Variants in CLOCK observed in about 807,000 individuals in gnomAD.
CLOCK encodes clock circadian regulator.
In CLOCK, 43 loss-of-function variants were observed where a neutral mutation model predicts 118.4. The observed-to-expected ratio is 0.36, with a 90% CI of 0.28 to 0.47. The LOEUF (loss-of-function observed/expected upper bound fraction) is 0.47. Among genes scored for constraint, CLOCK ranks in the 20% least tolerant of loss-of-function variants. The pLI, the probability that CLOCK is intolerant of heterozygous loss-of-function variation, is 1.00. For synonymous variants in CLOCK, 326 were observed against 339.2 expected (o/e 0.96, Z 0.43); for missense variants, 846 against 999.9 (o/e 0.85, Z 2.08).
chr4:55,492,924 T>C (rs1172256592), intron 2 of CLOCK, among the ~76,000 whole-genome samples: 1 of 152,146 alleles, frequency 6.6e-6, no homozygotes, highest in Non-Finnish European at 1.5e-5. Flanking sequence ...GGCATGAAAA[T>C]ATATCAGACA....
Position 55,480,107 on chromosome 4 carries a change from C to T in CLOCK, c.48-408G>A, listed in dbSNP as rs187518662. Among the ~76,000 whole-genome samples the T allele has an allele frequency of 6.8e-4, 104 of 152,276 alleles. 2 individuals carry two copies. Among genetic ancestry groups the T allele is most frequent in the South Asian group, 2.1e-4 (1 of 4,830 alleles). ...TTTACTTTCTAAAACCACAATTACT[C>T]GTAAACATCACAATGTAATGCATTA... On this transcript the variant is annotated intron_variant, in intron 4 of 22. Transcript: ENST00000513440.
chr4:55,515,306 T>TA (rs1729434831), intron 1 of CLOCK, among the ~76,000 whole-genome samples: 1 of 152,204 alleles, frequency 6.6e-6, no homozygotes, highest in Admixed American at 6.5e-5. Context: ...TCAATTTTAT[T>TA]AATCTCTTCA....
rs59113951 is a variant in CLOCK at position 55,544,715 on chromosome 4, A to G, written c.-290+2067T>C. ...TTTGTTTAATCCAGTTTATGAGTCC[A>G]TAATACACACAAAAATTTGAAAACA... On this transcript the variant is annotated intron_variant, in intron 1 of 22. Coordinates refer to ENST00000513440, the MANE Select transcript of CLOCK (RefSeq NM_004898.4). Among the ~76,000 whole-genome samples, 167 of 152,348 alleles carry G rather than the reference A, an allele frequency of 1.1e-3. 1 individual carries two copies. The East Asian group carries it at 0.024, about 22-fold the overall frequency.
At chr4:55,525,995 TGA>T in intron 1 of CLOCK, among the ~76,000 whole-genome samples, 1 of 152,248 alleles carries the variant, frequency 6.6e-6, no homozygotes, top group East Asian at 1.9e-4. Flanking sequence ...CTCCAAAATA[TGA>T]AACTTTTTGA....
In CLOCK at chr4:55,448,702, T is replaced by G. The variant is rs563422985; in HGVS notation, c.1539+77A>C. 1.7e-5 allele frequency: 22 copies of G among 1,268,792 alleles called. No homozygotes were observed. The African/African-American group carries it at 3.1e-4, about 18-fold the overall frequency. 78.6% of individuals were successfully genotyped at this position (1,268,792 alleles called of 1,614,324 possible). ...ACAGGTGCTTGCCAGCAAGCCTGGA[T>G]TTTTAAAAAAATTACATTAGCTTAA... On this transcript the variant is annotated intron_variant, in intron 18 of 22. Transcript: ENST00000513440.
chr4:55,450,080 A>C lies in CLOCK; in HGVS notation c.1348+11T>G. The C allele has an allele frequency of 1.9e-6, 3 of 1,614,102 alleles. No homozygotes were observed. The highest frequency in any genetic ancestry group is 2.5e-6 in the Non-Finnish European group (3 of 1,179,976). On this transcript the variant is annotated intron_variant, in intron 16 of 22. Transcript: ENST00000513440. ...TTTAAAGGAAGTCTGCTTTGAAGCAAGGGTACTCACAGGAAGGGTCTGAGA... is the reference window on the plus strand; with the variant it reads ...TTTAAAGGAAGTCTGCTTTGAAGCACGGGTACTCACAGGAAGGGTCTGAGA...
At chr4:55,493,077 A>AT (rs898739132) in intron 2 of CLOCK, among the ~76,000 whole-genome samples, 9 of 151,890 alleles carry the variant, frequency 5.9e-5, no homozygotes, top group South Asian at 2.1e-4. Context: ...TAAGTGCTGC[A>AT]TTTTTTTTCT....
At chr4:55,463,925 AATG>A in intron 8 of CLOCK, 120 bp from the exon 9 acceptor site, 2 of 1,017,662 alleles carry the variant, frequency 2.0e-6, no homozygotes, top group Non-Finnish European at 1.4e-6. Context: ...AAAACCAACA[AATG>A]TCAAGTTATA....
chr4:55,471,844 G>A (rs1371512169), intron 7 of CLOCK, among the ~76,000 whole-genome samples: 3 of 152,128 alleles, frequency 2.0e-5, no homozygotes, highest in Admixed American at 2.0e-4. Flanking sequence ...AAGCCAAGGC[G>A]GGAAGATCAC....
intron 20 of CLOCK, among the ~76,000 whole-genome samples, chr4:55,442,975 A>G (rs1314380048): frequency 6.6e-6 from 1 of 152,212 alleles, no homozygotes; most frequent in East Asian, 1.9e-4. Flanking sequence ...TGGGATTTAC[A>G]GTCACAGATC....
chr4:55,518,294 T>C (rs1729644383), intron 1 of CLOCK, among the ~76,000 whole-genome samples: 1 of 152,112 alleles, frequency 6.6e-6, no homozygotes, highest in Non-Finnish European at 1.5e-5. Flanking sequence ...CTGGCCTATT[T>C]GGGGTAAATG....
rs1722501151 is a variant in CLOCK at position 55,431,528 on chromosome 4, A to G, written c.*3887T>C. The G allele has an allele frequency of 6.6e-6, 1 of 150,946 alleles. No homozygotes were observed. Among genetic ancestry groups the G allele is most frequent in the Admixed American group, 6.6e-5 (1 of 15,256 alleles). 9.4% of individuals were successfully genotyped at this position (150,946 alleles called of 1,614,324 possible). A position where few individuals can be genotyped will look rare whatever the true frequency, so the allele number is the denominator to read the frequency against. ...TGTGCTGTTTCTTCTCTACCATTCA[A>G]AAATTCCAATCAGCTTGTCCTGGCT... On this transcript the variant is annotated 3_prime_UTR_variant, in exon 23 of 23. Coordinates refer to ENST00000513440, the MANE Select transcript of CLOCK (RefSeq NM_004898.4).
chr4:55,504,145 G>A (rs973284846), intron 2 of CLOCK, among the ~76,000 whole-genome samples: 1 of 151,260 alleles, frequency 6.6e-6, no homozygotes, highest in Non-Finnish European at 1.5e-5. Context: ...AATTAGCTGG[G>A]TGTGGTGGCA....
At chr4:55,471,187 CT>C (rs1726123110) in intron 7 of CLOCK, among the ~76,000 whole-genome samples, 1 of 152,110 alleles carries the variant, frequency 6.6e-6, no homozygotes, top group Non-Finnish European at 1.5e-5. Flanking sequence ...CAAAGGAATA[CT>C]TTGTTATTAT....
intron 4 of CLOCK, 63 bp downstream of exon 4, chr4:55,482,675 AT>A: frequency 9.1e-7 from 1 of 1,095,998 alleles, no homozygotes; most frequent in Admixed American, 2.2e-5. Context: ...CATATAGACC[AT>A]TATTCTAATA....
intron 3 of CLOCK, chr4:55,486,665 T>C (rs1727321010): frequency 6.6e-6 from 1 of 152,194 alleles, no homozygotes. Flanking sequence ...TGAAAATCAC[T>C]TTTCCTTCTG....
intron 1 of CLOCK, among the ~76,000 whole-genome samples, chr4:55,510,541 A>G (rs577537470): frequency 4.4e-4 from 66 of 150,036 alleles, no homozygotes; most frequent in African/African-American, 1.6e-3. Context: ...GCAGGAGAAT[A>G]GCTTTAACTC....
intron 16 of CLOCK, 28 bp from the exon 17 acceptor site, chr4:55,449,524 T>TATAAAGA (rs1295617468): frequency 6.6e-7 from 1 of 1,519,742 alleles, no homozygotes; most frequent in East Asian, 2.3e-5. Context: ...AGAAGAGCAT[T>TATAAAGA]AGTACTTTAT....
At chr4:55,473,837 A>G (rs972825460) in intron 7 of CLOCK, among the ~76,000 whole-genome samples, 1 of 152,144 alleles carries the variant, frequency 6.6e-6, no homozygotes, top group Non-Finnish European at 1.5e-5. Flanking sequence ...TGATTCGCCC[A>G]CATAAGGTGG....
Sources: allele counts gnomAD v4.1 joint callset (sites outside exome capture counted in the v4.1 genomes callset), GRCh38; gene constraint gnomAD v4.1.1; transcripts MANE v1.5; gene names NCBI Gene and HGNC (gene_info 2026-07-23, HGNC 2026-07-21).